Variants in RNF182 observed in about 807,000 individuals in gnomAD.
The protein encoded by RNF182 is ring finger protein 182, also known as E3 ubiquitin-protein ligase RNF182.
A neutral mutation model predicts 14.4 loss-of-function variants in RNF182; 15 were observed. The ratio of observed to expected loss-of-function variants is 1.04; its 90% confidence interval spans 0.70 to 1.60. The LOEUF (loss-of-function observed/expected upper bound fraction) is 1.60. Ranked by LOEUF, RNF182 falls within the 40% of genes most tolerant of loss-of-function variation. The probability of loss-of-function intolerance (pLI) is 0.00; values close to 1 mark genes in which losing one functional copy is unlikely to be tolerated. For missense variants in RNF182, 268 were observed against 294.8 expected (o/e 0.91, Z 0.67); for synonymous variants, 128 against 122.9 (o/e 1.04, Z -0.27).
intron 1 of RNF182, among the ~76,000 whole-genome samples, chr6:13,953,910 G>A (rs1014078393): frequency 6.6e-6 from 1 of 152,200 alleles, no homozygotes; most frequent in African/African-American, 2.4e-5. Context: ...TTTGGTTAAT[G>A]AATGAATATA....
At chr6:13,960,493 C>T (rs920792579) in intron 1 of RNF182, among the ~76,000 whole-genome samples, 5 of 152,078 alleles carry the variant, frequency 3.3e-5, no homozygotes, top group African/African-American at 1.2e-4. Flanking sequence ...AACAAACAAA[C>T]ACAAACAAAA....
intron 1 of RNF182, among the ~76,000 whole-genome samples, chr6:13,962,337 C>A (rs1014840419): frequency 6.6e-6 from 1 of 152,154 alleles, no homozygotes; most frequent in Non-Finnish European, 1.5e-5. Context: ...AGAGAGATGG[C>A]AAGCATGTGT....
rs1358428262 is a variant in RNF182, at chr6:13,938,374, C to T, written c.-367+13351C>T. ...ATTTTCTAGATAGAAGTCCTTTGTG[C>T]AATGTATGTGTTACAGAATTCTTCC... On this transcript the variant is annotated intron_variant, in intron 1 of 2. Coordinates refer to ENST00000488300, the MANE Select transcript of RNF182 (RefSeq NM_152737.4). Among the ~76,000 whole-genome samples the T allele has an allele frequency of 9.2e-5, 14 of 151,698 alleles. 1 individual carries two copies. The Middle Eastern group carries it at 0.01, about 111-fold the overall frequency.
chr6:13,958,837 A>G (rs541452096), intron 1 of RNF182, among the ~76,000 whole-genome samples: 1 of 152,270 alleles, frequency 6.6e-6, no homozygotes, highest in South Asian at 2.1e-4. Context: ...GTGGTTTTGG[A>G]TATTTGTTAC....
At position 13,949,421 on chromosome 6, in the gene RNF182, G is replaced by A. The variant is rs987912431; in HGVS notation, c.-367+24398G>A. The A allele has an allele frequency of 5.5e-6, 4 of 733,884 alleles. No homozygotes were observed. In the East Asian group the frequency reaches 1.0e-4, roughly 19 times the overall value. The allele number at this position is 733,884 out of a possible 1,614,324, so 45.5% of individuals were successfully genotyped here. A position where few individuals can be genotyped will look rare whatever the true frequency, so the allele number is the denominator to read the frequency against. ...AAAAGGCAAGAGAAAGACTGTGAAA[G>A]CTGTCATCTATAGGTTTCTTTGACT... On this transcript the variant is annotated intron_variant, in intron 1 of 2. Transcript: ENST00000488300.
Position 13,978,251 on chromosome 6 carries a change from C to G in RNF182, c.*388C>G, listed in dbSNP as rs1322589582. 5.4e-6 allele frequency: 1 copy of G among 185,558 alleles called. No individual in the cohort carries two copies. The highest frequency in any genetic ancestry group is 1.3e-5 in the Non-Finnish European group (1 of 78,538). The allele number at this position is 185,558 out of a possible 1,614,324, so 11.5% of individuals were successfully genotyped here. A position where few individuals can be genotyped will look rare whatever the true frequency, so the allele number is the denominator to read the frequency against. ...AGTTGGACACAAGAGGAAAGTTGCT[C>G]TGAGACACAAAGTGTGTACTCCTTT... is the stretch of plus-strand genomic sequence containing the variant. On this transcript the variant is annotated 3_prime_UTR_variant, in exon 3 of 3. Transcript: ENST00000488300.
At chr6:13,962,438 T>A (rs892701149) in intron 1 of RNF182, among the ~76,000 whole-genome samples, 25 of 152,204 alleles carry the variant, frequency 1.6e-4, no homozygotes, top group Non-Finnish European at 7.3e-5. Flanking sequence ...CTCTCATATG[T>A]TTTTGAAGAT....
At chr6:13,949,863 C>T (rs936516907) in intron 1 of RNF182, among the ~76,000 whole-genome samples, 2 of 152,046 alleles carry the variant, frequency 1.3e-5, no homozygotes, top group African/African-American at 4.8e-5. Flanking sequence ...TCTAAGAAAA[C>T]CCTGTTGTGC....
chr6:13,955,175 T>C (rs887643065), intron 1 of RNF182, among the ~76,000 whole-genome samples: 75 of 152,338 alleles, frequency 4.9e-4, no homozygotes, highest in African/African-American at 1.8e-3. Flanking sequence ...AATGCAGCGT[T>C]GGACGGGATG....
intron 1 of RNF182, among the ~76,000 whole-genome samples, chr6:13,957,327 G>T (rs911480945): frequency 3.3e-5 from 5 of 152,110 alleles, no homozygotes; most frequent in Non-Finnish European, 7.4e-5. Context: ...ATTCTAAAAG[G>T]CCTATTGAGA....
At chr6:13,972,501 C>T (rs1427523628) in intron 1 of RNF182, among the ~76,000 whole-genome samples, 3 of 152,090 alleles carry the variant, frequency 2.0e-5, no homozygotes, top group Admixed American at 2.0e-4. Context: ...TATGGCAGCC[C>T]CTCCCATCAC....
intron 1 of RNF182, among the ~76,000 whole-genome samples, chr6:13,947,771 TG>T (rs1759476770): frequency 6.6e-6 from 1 of 152,238 alleles, no homozygotes; most frequent in Non-Finnish European, 1.5e-5. Flanking sequence ...AAATGAATTT[TG>T]ATTCCTTAAA....
chr6:13,970,762 A>G (rs898784233), intron 1 of RNF182, among the ~76,000 whole-genome samples: 1 of 152,216 alleles, frequency 6.6e-6, no homozygotes, highest in Middle Eastern at 3.2e-3. Flanking sequence ...TGACATTTCA[A>G]TTTTGTGAAA....
intron 1 of RNF182, among the ~76,000 whole-genome samples, chr6:13,928,137 G>A (rs369661336): frequency 6.6e-6 from 1 of 152,216 alleles, no homozygotes; most frequent in East Asian, 1.9e-4. Context: ...AATTAAAATG[G>A]AGATAAGATG....
chr6:13,976,121 A>G (rs116584166), intron 2 of RNF182, among the ~76,000 whole-genome samples: 146 of 152,336 alleles, frequency 9.6e-4, no homozygotes, highest in African/African-American at 3.3e-3. Context: ...GTATTTCTTC[A>G]TAGCCATGCA....
chr6:13,942,808 T>C (rs1561778352), intron 1 of RNF182, among the ~76,000 whole-genome samples: 1 of 152,236 alleles, frequency 6.6e-6, no homozygotes, highest in Non-Finnish European at 1.5e-5. Context: ...TTTTCCTCTT[T>C]AGTTTGGAAA....
At chr6:13,937,694 G>A (rs1355488961) in intron 1 of RNF182, among the ~76,000 whole-genome samples, 1 of 152,146 alleles carries the variant, frequency 6.6e-6, no homozygotes, top group African/African-American at 2.4e-5. Flanking sequence ...AAGGTCATGG[G>A]TTATATGTAT....
At chr6:13,953,583 C>T (rs2113617879) in intron 1 of RNF182, among the ~76,000 whole-genome samples, 1 of 152,198 alleles carries the variant, frequency 6.6e-6, no homozygotes, top group South Asian at 2.1e-4. Flanking sequence ...AAGCCTCTGG[C>T]TTATAAAGTG....
rs185977886 is a variant in RNF182, at chr6:13,976,234, G to A, written c.-211-675G>A. Reference sequence around the variant, plus strand: ...TTGACTTGTTCATAATGCTTATATCGGGTGTTATATGCCTCATTCTTCCTT... The same window carrying A: ...TTGACTTGTTCATAATGCTTATATCAGGTGTTATATGCCTCATTCTTCCTT... On this transcript the variant is annotated intron_variant, in intron 2 of 2. Coordinates refer to ENST00000488300, the MANE Select transcript of RNF182 (RefSeq NM_152737.4). 7.2e-5 allele frequency among the ~76,000 whole-genome samples: 11 copies of A among 152,114 alleles called. No individual in the cohort carries two copies. The East Asian group carries it at 1.9e-3, about 27-fold the overall frequency.
Sources: allele counts gnomAD v4.1 joint callset (sites outside exome capture counted in the v4.1 genomes callset), GRCh38; gene constraint gnomAD v4.1.1; transcripts MANE v1.5; gene names NCBI Gene and HGNC (gene_info 2026-07-23, HGNC 2026-07-21).